SAXO1: variants seen among roughly 807,000 people sequenced by gnomAD.
SAXO1 encodes 4930500O09Rik.
A neutral mutation model predicts 17.5 loss-of-function variants in SAXO1; 21 were observed. The observed-to-expected ratio is 1.20, with a 90% CI of 0.85 to 1.72. The LOEUF (loss-of-function observed/expected upper bound fraction) is 1.72. SAXO1 is among the 40% of genes most tolerant of loss of function. The probability of loss-of-function intolerance (pLI) is 0.00; values close to 1 mark genes in which losing one functional copy is unlikely to be tolerated. For synonymous variants in SAXO1, 274 were observed against 216.5 expected, an observed-to-expected ratio of 1.27 and a Z score of -2.33; for missense variants, 843 against 596.0, an observed-to-expected ratio of 1.41 and a Z score of -4.32.
Position 18,950,752 on chromosome 9 carries a change from C to G in SAXO1, c.218+6G>C. 2 of 1,611,352 alleles carry G rather than the reference C, an allele frequency of 1.2e-6. No individual in the cohort carries two copies. Among genetic ancestry groups the G allele is most frequent in the Non-Finnish European group, 1.7e-6 (2 of 1,178,242 alleles). On this transcript the variant is annotated splice_donor_region_variant and intron_variant, in intron 2 of 3. Transcript: ENST00000380534. ...ACCTGCATACATTAATACTGTTTGC[C>G]CTCACCTTGATGTAGTCAGGCCTTC... is the stretch of plus-strand genomic sequence containing the variant.
chr9:18,980,781 G>GAA (rs10640487), intron 1 of SAXO1, among the ~76,000 whole-genome samples: 4,854 of 83,854 alleles, frequency 0.058, 426 homozygotes, highest in Non-Finnish European at 0.075. Flanking sequence ...TTAAAAAACT[G>GAA]AAAAAAAAAA....
At position 18,928,378 on chromosome 9, in the gene SAXO1, G is replaced by T; in HGVS notation, c.1099C>A (p.Pro367Thr). ...PVPQLDLPTE[P>T]LDCLTTTRAH... is the part of the protein sequence containing the mutation. ...CGAGTGGTGGTCAGGCAGTCCAGGG[G>T]CTCGGTGGGCAAGTCCAGCTGGGGA... The change falls in exon 4 of 4, where the codon CCC becomes ACC. Residue 367 changes from proline to threonine, a missense_variant. Pro to Thr is a conservative substitution (Grantham distance 38). Coordinates refer to ENST00000380534, the MANE Select transcript of SAXO1 (RefSeq NM_153707.4). 6.2e-7 allele frequency: 1 copy of T among 1,612,360 alleles called. No homozygotes were observed. The highest frequency in any genetic ancestry group is 1.3e-5 in the African/African-American group (1 of 74,946).
chr9:18,984,077 T>C (rs1833498869), intron 1 of SAXO1, among the ~76,000 whole-genome samples: 1 of 152,222 alleles, frequency 6.6e-6, no homozygotes, highest in African/African-American at 2.4e-5. Flanking sequence ...GGTGACTAAG[T>C]GTATTGTCAA....
chr9:18,987,603 G>A (rs757469040), intron 1 of SAXO1, among the ~76,000 whole-genome samples: 3 of 152,082 alleles, frequency 2.0e-5, no homozygotes, highest in Non-Finnish European at 2.9e-5. Context: ...GCAAAAACTC[G>A]ATTCTCTTCC....
intron 2 of SAXO1, among the ~76,000 whole-genome samples, chr9:18,950,518 C>A (rs866139097): frequency 6.6e-6 from 1 of 152,158 alleles, no homozygotes; most frequent in South Asian, 2.1e-4. Context: ...CTTTCCCCAC[C>A]CTTTACTTCA....
At chr9:19,028,238 T>G in intron 1 of SAXO1, 215 of 748,466 alleles carry the variant, frequency 2.9e-4, no homozygotes, top group Non-Finnish European at 3.1e-4. Context: ...TAGCCGGCCG[T>G]AGTGGCGGGC....
chr9:19,044,480 G>T (rs190646619), intron 1 of SAXO1, among the ~76,000 whole-genome samples: 5 of 152,170 alleles, frequency 3.3e-5, no homozygotes, highest in East Asian at 3.9e-4. Context: ...GAGATGGCAA[G>T]AACAAAAAAT....
At chr9:18,950,326 T>G (rs995952010) in intron 2 of SAXO1, among the ~76,000 whole-genome samples, 3 of 152,112 alleles carry the variant, frequency 2.0e-5, no homozygotes, top group African/African-American at 7.2e-5. Context: ...AAAAGCTCAT[T>G]TTTTCTCTAT....
rs188177138 is a variant in SAXO1, at chr9:18,927,866, C to T, written c.*186G>A. 1.9e-5 allele frequency: 11 copies of T among 592,258 alleles called. No individual in the cohort carries two copies. The highest frequency in any genetic ancestry group is 3.7e-5 in the African/African-American group (2 of 53,698). 36.7% of individuals were successfully genotyped at this position (592,258 alleles called of 1,614,324 possible). A position where few individuals can be genotyped will look rare whatever the true frequency, so the allele number is the denominator to read the frequency against. On this transcript the variant is annotated 3_prime_UTR_variant, in exon 4 of 4. Transcript: ENST00000380534. Reference sequence around the variant, plus strand: ...GAGAAGGTAAGGGGAGTTAATTAGCCGGTGATTAAATGTCATTTTCCCTGA... The same window carrying T: ...GAGAAGGTAAGGGGAGTTAATTAGCTGGTGATTAAATGTCATTTTCCCTGA...
At chr9:18,971,256 C>T (rs1475364619) in intron 1 of SAXO1, among the ~76,000 whole-genome samples, 1 of 152,054 alleles carries the variant, frequency 6.6e-6, no homozygotes, top group Admixed American at 6.6e-5. Context: ...CTCCACTGCT[C>T]GTAAGCTGCC....
At chr9:18,936,240 A>T (rs1042057118) in intron 3 of SAXO1, among the ~76,000 whole-genome samples, 13 of 152,176 alleles carry the variant, frequency 8.5e-5, no homozygotes, top group African/African-American at 2.9e-4. Context: ...AATTGGCTTC[A>T]TTTTAATTGA....
At chr9:18,945,763 G>C (rs1487095554) in intron 2 of SAXO1, among the ~76,000 whole-genome samples, 1 of 152,122 alleles carries the variant, frequency 6.6e-6, no homozygotes, top group Non-Finnish European at 1.5e-5. Context: ...ATAAACCCTA[G>C]GCAAACTATT....
At chr9:19,012,607 G>A (rs1311356922) in intron 1 of SAXO1, among the ~76,000 whole-genome samples, 2 of 152,210 alleles carry the variant, frequency 1.3e-5, no homozygotes, top group East Asian at 1.9e-4. Flanking sequence ...TGGCAGAGGG[G>A]CTCAACCCAC....
At chr9:18,989,220 AAACAG>A (rs1443973367) in intron 1 of SAXO1, among the ~76,000 whole-genome samples, 4 of 152,208 alleles carry the variant, frequency 2.6e-5, no homozygotes, top group Non-Finnish European at 5.9e-5. Context: ...AATGATGCCA[AAACAG>A]AACATTCGAT....
At chr9:18,996,987 C>T (rs529362299) in intron 1 of SAXO1, among the ~76,000 whole-genome samples, 46 of 152,156 alleles carry the variant, frequency 3.0e-4, no homozygotes, top group African/African-American at 1.1e-3. Flanking sequence ...CCAAGATGGC[C>T]GAATAGGAAC....
chr9:18,937,588 T>C (rs986003151), intron 3 of SAXO1, among the ~76,000 whole-genome samples: 1 of 152,148 alleles, frequency 6.6e-6, no homozygotes, highest in East Asian at 1.9e-4. Context: ...ACGGTGGTAT[T>C]GGGAGGTGAG....
At chr9:18,994,671 G>A (rs1833936931) in intron 1 of SAXO1, among the ~76,000 whole-genome samples, 1 of 152,194 alleles carries the variant, frequency 6.6e-6, no homozygotes, top group South Asian at 2.1e-4. Flanking sequence ...ACTCTGCTCG[G>A]GTAAGCAGTC....
intron 1 of SAXO1, among the ~76,000 whole-genome samples, chr9:19,008,399 T>G (rs1343130592): frequency 6.6e-6 from 1 of 152,208 alleles, no homozygotes; most frequent in Admixed American, 6.5e-5. Context: ...CAGTTGTTAT[T>G]TTTAAAGATC....
chr9:18,930,395 G>C (rs1830989500), intron 3 of SAXO1, among the ~76,000 whole-genome samples: 1 of 152,154 alleles, frequency 6.6e-6, no homozygotes, highest in East Asian at 1.9e-4. Context: ...TTTGAAACTG[G>C]CTTTGCCACA....
Sources: gnomAD v4.1 joint callset for allele counts (sites outside exome capture counted in the v4.1 genomes callset) on GRCh38, gnomAD v4.1.1 for gene constraint, MANE v1.5 for transcripts, NCBI Gene and HGNC (gene_info 2026-07-23, HGNC 2026-07-21) for gene names.